The following UFL1 variants were observed in gnomAD, a reference collection of about 807,000 sequenced individuals.
UFL1 encodes the protein E3 UFM1-protein ligase 1.
Under a neutral mutation model 99.3 loss-of-function variants are expected in UFL1, and 78 were observed. The ratio of observed to expected loss-of-function variants is 0.79; its 90% CI spans 0.65 to 0.95. The LOEUF (loss-of-function observed/expected upper bound fraction) is 0.95. UFL1 is among the 40% of genes least tolerant of loss of function. The pLI is 0.00. For synonymous variants in UFL1, 335 were observed against 322.2 expected, an observed-to-expected ratio of 1.04 and a Z score of -0.42; for missense variants, 936 against 937.0, an observed-to-expected ratio of 1.00 and a Z score of 0.01.
At chr6:96,551,357 T>G in intron 15 of UFL1, 76 bp from the exon 16 acceptor site, 1 of 773,672 alleles carries the variant, frequency 1.3e-6, no homozygotes, top group Non-Finnish European at 2.1e-6. Context: ...CTTGTTACAG[T>G]ATTTTTTTCA....
intron 4 of UFL1, 86 bp downstream of exon 4, chr6:96,525,480 C>A: frequency 1.1e-6 from 1 of 935,598 alleles, no homozygotes; most frequent in Non-Finnish European, 1.7e-6. Flanking sequence ...CCAATTATGG[C>A]CAGTTAGACA....
intron 11 of UFL1, 112 bp downstream of exon 11, chr6:96,540,767 T>G: frequency 7.8e-7 from 1 of 1,285,660 alleles, no homozygotes; most frequent in Non-Finnish European, 1.0e-6. Context: ...TTGATTTACC[T>G]TTAAACAGCT....
In UFL1 at chr6:96,536,211, G is replaced by C. The variant is rs780946800; in HGVS notation, c.656-33G>C. The C allele has an allele frequency of 5.7e-6, 9 of 1,591,666 alleles. No homozygotes were observed. In the South Asian group the frequency reaches 9.1e-5, roughly 16 times the overall value. On this transcript the variant is annotated intron_variant, in intron 7 of 18. Coordinates refer to ENST00000369278, the MANE Select transcript of UFL1 (RefSeq NM_015323.5). ...ACTTTTTAAGATTTATACCTGGTCT[G>C]ATTTATTTGTATTCATGTGGGTTTG... is the stretch of plus-strand genomic sequence containing the variant.
Position 96,524,373 on chromosome 6 carries a change from T to A in UFL1, c.224-9T>A. ...TCATTTAAAATAAATGAATGTCTTTTCTTCAAAGGTCGAGTAAACATTGTT... is the reference window on the plus strand; with the variant it reads ...TCATTTAAAATAAATGAATGTCTTTACTTCAAAGGTCGAGTAAACATTGTT... On this transcript the variant is annotated splice_polypyrimidine_tract_variant and intron_variant, in intron 2 of 18. Transcript: ENST00000369278. 6.3e-7 allele frequency: 1 copy of A among 1,589,000 alleles called. No individual in the cohort carries two copies. Among genetic ancestry groups the A allele is most frequent in the Non-Finnish European group, 8.5e-7 (1 of 1,170,516 alleles).
chr6:96,526,353 A>G lies in UFL1; in HGVS notation c.383A>G (p.Asn128Ser). ...NYLDRLAEEV[N>S]DKLQESGQVT... The stretch of plus-strand genomic sequence containing the variant: ...TTGGATCGGTTGGCAGAAGAGGTCA[A>G]TGATAAATTGCAAGAAAGTGGTCAG... Residue 128 changes from asparagine (N) to serine (S), a missense_variant, in exon 5 of 19, where the codon AAT becomes AGT. By Grantham distance (46) the Asn-to-Ser change is conservative (BLOSUM62 1). Transcript: ENST00000369278. 2.5e-6 allele frequency: 4 copies of G among 1,613,670 alleles called. No individual in the cohort carries two copies. Among genetic ancestry groups the G allele is most frequent in the Non-Finnish European group, 2.5e-6 (3 of 1,179,818 alleles).
At chr6:96,527,238 A>G (rs1035424661) in intron 5 of UFL1, among the ~76,000 whole-genome samples, 4 of 152,144 alleles carry the variant, frequency 2.6e-5, no homozygotes, top group African/African-American at 9.7e-5. Context: ...TACTGTCTGC[A>G]CCACTTATTT....
intron 7 of UFL1, among the ~76,000 whole-genome samples, chr6:96,534,536 A>G (rs1027762932): frequency 4.0e-5 from 6 of 151,060 alleles, no homozygotes; most frequent in African/African-American, 1.5e-4. Flanking sequence ...GAGTATAATG[A>G]AAAAAAAAGT....
At chr6:96,551,240 C>G (rs1043145802) in intron 15 of UFL1, among the ~76,000 whole-genome samples, 193 bp from the exon 16 acceptor site, 1 of 151,926 alleles carries the variant, frequency 6.6e-6, no homozygotes. Context: ...GTGGGAGGAG[C>G]AGGGCTGTAT....
At chr6:96,530,942 T>C (rs1471592275) in intron 6 of UFL1, among the ~76,000 whole-genome samples, 3 of 152,180 alleles carry the variant, frequency 2.0e-5, no homozygotes, top group Non-Finnish European at 4.4e-5. Context: ...CTGTGGCCTG[T>C]TAGGAACCAG....
At position 96,528,484 on chromosome 6, in the gene UFL1, G is replaced by T. The variant is rs1301081659; in HGVS notation, c.466-18G>T. 1 of 1,605,256 alleles carries T rather than the reference G, an allele frequency of 6.2e-7. No individual in the cohort carries two copies. Among genetic ancestry groups the T allele is most frequent in the Non-Finnish European group, 8.5e-7 (1 of 1,176,332 alleles). ...TCTTTTCTTTTAAATTAATAAAAATGTACATCTTTACCCACAGGCACTAAC... is the reference window on the plus strand; with the variant it reads ...TCTTTTCTTTTAAATTAATAAAAATTTACATCTTTACCCACAGGCACTAAC... On this transcript the variant is annotated intron_variant, in intron 5 of 18. Coordinates refer to ENST00000369278, the MANE Select transcript of UFL1 (RefSeq NM_015323.5).
At chr6:96,551,021 T>C (rs1562257485) in intron 15 of UFL1, among the ~76,000 whole-genome samples, 3 of 151,964 alleles carry the variant, frequency 2.0e-5, no homozygotes, top group Non-Finnish European at 4.4e-5. Flanking sequence ...CCATAGAGCA[T>C]AACAAGCATC....
intron 11 of UFL1, among the ~76,000 whole-genome samples, chr6:96,542,160 G>C (rs1203970379): frequency 1.3e-5 from 2 of 151,258 alleles, no homozygotes; most frequent in African/African-American, 4.8e-5. Flanking sequence ...CAATATCAAA[G>C]AGCAGGGAAA....
In UFL1 at chr6:96,551,779, C is replaced by T. The variant is rs191895318; in HGVS notation, c.1900-59C>T. Reference sequence around the variant, plus strand: ...AAATTACAAAACAATTGTTAAATGGCTATACTTCCTTATGCAGTTATATAT... The same window carrying T: ...AAATTACAAAACAATTGTTAAATGGTTATACTTCCTTATGCAGTTATATAT... On this transcript the variant is annotated intron_variant, in intron 16 of 18. Coordinates refer to ENST00000369278, the MANE Select transcript of UFL1 (RefSeq NM_015323.5). 1.1e-4 allele frequency: 123 copies of T among 1,113,106 alleles called. 2 individuals carry two copies. In the East Asian group the frequency reaches 1.9e-3, roughly 17 times the overall value. 69.0% of individuals were successfully genotyped at this position (1,113,106 alleles called of 1,614,324 possible).
intron 6 of UFL1, among the ~76,000 whole-genome samples, chr6:96,533,133 G>A (rs145340571): frequency 1.8e-4 from 28 of 151,722 alleles, no homozygotes; most frequent in African/African-American, 6.8e-4. Context: ...GAGAGAACAG[G>A]CATACTGGCT....
Position 96,526,511 on chromosome 6 carries a change from A to G in UFL1, c.465+76A>G, listed in dbSNP as rs181630674. 759 of 1,081,086 alleles carry G rather than the reference A, an allele frequency of 7.0e-4. 5 individuals carry two copies. Among genetic ancestry groups the G allele is most frequent in the African/African-American group, 5.6e-3 (345 of 62,060 alleles). The allele number at this position is 1,081,086 out of a possible 1,614,324, so 67.0% of individuals were successfully genotyped here. A position where few individuals can be genotyped will look rare whatever the true frequency, so the allele number is the denominator to read the frequency against. ...ACGAAGACTTTGAATGGAAGGGGGA[A>G]AAAAAAATGAGACTTCCTCACCATC... On this transcript the variant is annotated intron_variant, in intron 5 of 18. Transcript: ENST00000369278.
chr6:96,552,546 C>G lies in UFL1; in HGVS notation c.2050C>G (p.Leu684Val). 2 of 1,612,714 alleles carry G rather than the reference C, an allele frequency of 1.2e-6. No homozygotes were observed. The highest frequency in any genetic ancestry group is 2.2e-5 in the South Asian group (2 of 90,992). The change falls in exon 18 of 19, where the codon CTT (leucine) becomes GTT (valine). Residue 684 changes from leucine to valine, a missense_variant. Transcript: ENST00000369278. ...EQLKVTEDPA[L>V]ILHLTSVLLF... ...GCTAAAGGTCACAGAAGACCCTGCT[C>G]TTATTCTGCACCTCACATCAGTCCT... is the stretch of plus-strand genomic sequence containing the variant.
chr6:96,523,332 G>C, intron 2 of UFL1, 41 bp downstream of exon 2: 3 of 1,532,462 alleles, frequency 2.0e-6, no homozygotes, highest in Non-Finnish European at 2.6e-6. Flanking sequence ...TTGGATTTTT[G>C]GAAGGGGCAA....
At chr6:96,552,437 T>C in intron 17 of UFL1, 45 bp from the exon 18 acceptor site, 7 of 1,500,460 alleles carry the variant, frequency 4.7e-6, no homozygotes, top group Non-Finnish European at 6.2e-6. Flanking sequence ...GGTGAGAACT[T>C]CTTAAATTAT....
At chr6:96,524,732 AT>A (rs1769674892) in intron 3 of UFL1, among the ~76,000 whole-genome samples, 1 of 152,144 alleles carries the variant, frequency 6.6e-6, no homozygotes, top group African/African-American at 2.4e-5. Flanking sequence ...AGTTTATGTC[AT>A]TTTGGGAGAA....
Sources: gnomAD v4.1 joint callset for allele counts (sites outside exome capture counted in the v4.1 genomes callset) on GRCh38, gnomAD v4.1.1 for gene constraint, MANE v1.5 for transcripts, NCBI Gene and HGNC (gene_info 2026-07-23, HGNC 2026-07-21) for gene names.